DEDD2: variants seen among roughly 807,000 people sequenced by gnomAD.
DEDD2 encodes death effector domain containing 2, also known as DNA-binding death effector domain-containing protein 2.
DEDD2 carries 18 observed loss-of-function variants against 28.9 expected under a neutral mutation model. The observed-to-expected ratio is 0.62, with a 90% CI of 0.43 to 0.92. The LOEUF (loss-of-function observed/expected upper bound fraction) is 0.92. DEDD2 is among the 40% of genes least tolerant of loss of function. DEDD2 has a pLI of 0.00. For synonymous variants in DEDD2, 211 were observed against 206.1 expected (o/e 1.02, Z -0.20); for missense variants, 411 against 463.3 (o/e 0.89, Z 1.04).
At chr19:42,210,694 C>A (rs112764030) in intron 3 of DEDD2, among the ~76,000 whole-genome samples, 7 of 152,118 alleles carry the variant, frequency 4.6e-5, no homozygotes, top group African/African-American at 1.2e-4. Context: ...CAAGCCCAGC[C>A]CCACACTTTA....
chr19:42,208,922 G>A (rs969602389), intron 4 of DEDD2, among the ~76,000 whole-genome samples: 1 of 152,232 alleles, frequency 6.6e-6, no homozygotes, highest in African/African-American at 2.4e-5. Flanking sequence ...GTGATTATCA[G>A]CCTCACTTTA....
At chr19:42,209,881 C>T in intron 3 of DEDD2, 41 bp from the exon 4 acceptor site, 1 of 1,489,288 alleles carries the variant, frequency 6.7e-7, no homozygotes, top group East Asian at 2.6e-5. Flanking sequence ...ACCAGGATGA[C>T]AGCTAGAGTG....
chr19:42,217,104 C>A, intron 1 of DEDD2, 59 bp from the exon 2 acceptor site: 1 of 1,298,160 alleles, frequency 7.7e-7, no homozygotes, highest in Middle Eastern at 2.2e-4. Context: ...CCGAACCCCA[C>A]ACCGCCAGCG....
At chr19:42,207,762 A>G (rs896695228) in intron 4 of DEDD2, among the ~76,000 whole-genome samples, 2 of 152,070 alleles carry the variant, frequency 1.3e-5, no homozygotes, top group Admixed American at 1.3e-4. Flanking sequence ...AAACCCTTCC[A>G]TGGCTCCCTC....
intron 3 of DEDD2, among the ~76,000 whole-genome samples, chr19:42,210,626 T>G (rs2035719431): frequency 6.6e-6 from 1 of 152,024 alleles, no homozygotes; most frequent in South Asian, 2.1e-4. Flanking sequence ...ACTCCTGACC[T>G]CAAGTGATCC....
Position 42,215,206 on chromosome 19 carries a change from CCT to C in DEDD2, c.373_374del (p.Arg125AspfsTer4). On this transcript the variant is annotated frameshift_variant, in exon 3 of 5. Transcript: ENST00000596251. LOFTEE classifies it high-confidence loss of function. ...YSYGTSSSSK[R>X]TEGSCRRRRQ... Reference sequence around the variant, plus strand: ...GACGGCGACGGCAGCTACCCTCTGTCCTCTTTGAAGAGCTGGAGGTGCCATAG... The same window carrying C: ...GACGGCGACGGCAGCTACCCTCTGTCCTTTGAAGAGCTGGAGGTGCCATAG... The C allele has an allele frequency of 6.2e-7, 1 of 1,613,606 alleles. No homozygotes were observed. Among genetic ancestry groups the C allele is most frequent in the Non-Finnish European group, 8.5e-7 (1 of 1,179,810 alleles).
Position 42,208,357 on chromosome 19 carries a change from C to T in DEDD2, c.589+1343G>A, listed in dbSNP as rs556690321. Among the ~76,000 whole-genome samples the T allele has an allele frequency of 4.0e-5, 6 of 151,744 alleles. No individual in the cohort carries two copies. In the South Asian group the frequency reaches 8.4e-4, roughly 21 times the overall value. On this transcript the variant is annotated intron_variant, in intron 4 of 4. Transcript: ENST00000596251. ...TCACTTCTCCTCACCCTCTCCAACA[C>T]GACCCCCAGGCCAGACCTCTGCCTA...
chr19:42,214,386 T>G (rs570007670), intron 3 of DEDD2, among the ~76,000 whole-genome samples: 9 of 151,342 alleles, frequency 5.9e-5, no homozygotes, highest in African/African-American at 2.2e-4. Context: ...TGAATCTGGG[T>G]GGCAGAGGTT....
chr19:42,213,867 A>G (rs2035860504), intron 3 of DEDD2, among the ~76,000 whole-genome samples: 1 of 152,240 alleles, frequency 6.6e-6, no homozygotes, highest in South Asian at 2.1e-4. Context: ...ACGGTCCCAC[A>G]GTCTGGGGAT....
upstream of DEDD2, among the ~76,000 whole-genome samples, chr19:42,219,172 C>T (rs1438090225): frequency 6.6e-6 from 1 of 151,758 alleles, no homozygotes; most frequent in African/African-American, 2.4e-5. Context: ...GGCGTGCTGA[C>T]GCATGCCTGT....
At position 42,217,032 on chromosome 19, in the gene DEDD2, G is replaced by A. The variant is rs1348035613; in HGVS notation, c.-25C>T. On this transcript the variant is annotated 5_prime_UTR_variant, in exon 2 of 5. Coordinates refer to ENST00000596251, the MANE Select transcript of DEDD2 (RefSeq NM_133328.4). ...TTCCCGGGGGAGGGAGGCGGAACAAGCTCAGAACCCGGCCTAGAACCCACA... is the reference window on the plus strand; with the variant it reads ...TTCCCGGGGGAGGGAGGCGGAACAAACTCAGAACCCGGCCTAGAACCCACA... 4 of 1,558,746 alleles carry A rather than the reference G, an allele frequency of 2.6e-6. No homozygotes were observed. The highest frequency in any genetic ancestry group is 2.7e-5 in the African/African-American group (2 of 73,344).
Position 42,199,297 on chromosome 19 carries a change from T to TGTCAAGGGGCC in DEDD2, c.*130_*140dup. 8.0e-7 allele frequency: 1 copy of TGTCAAGGGGCC among 1,251,418 alleles called. No homozygotes were observed. Among genetic ancestry groups the TGTCAAGGGGCC allele is most frequent in the Non-Finnish European group, 1.1e-6 (1 of 934,088 alleles). The allele number at this position is 1,251,418 out of a possible 1,614,324, so 77.5% of individuals were successfully genotyped here. A position where few individuals can be genotyped will look rare whatever the true frequency, so the allele number is the denominator to read the frequency against. On this transcript the variant is annotated 3_prime_UTR_variant, in exon 5 of 5. Coordinates refer to ENST00000596251, the MANE Select transcript of DEDD2 (RefSeq NM_133328.4). The surrounding 1 kb of genome is among the most constrained non-coding windows in gnomAD (Gnocchi z 7.4). ...AGAGCCCACATCCTGTGGGAGGGGC[T>TGTCAAGGGGCC]GTCAAGGGGCCTGCTGTCCCGGTCC...
chr19:42,206,177 T>A (rs923061293), intron 4 of DEDD2, among the ~76,000 whole-genome samples: 3 of 146,582 alleles, frequency 2.0e-5, no homozygotes, highest in African/African-American at 5.0e-5. Context: ...AAAAAAAAAA[T>A]GCAAAGCCCA....
chr19:42,210,913 T>C (rs1247542778), intron 3 of DEDD2, among the ~76,000 whole-genome samples: 1 of 151,122 alleles, frequency 6.6e-6, no homozygotes, highest in Non-Finnish European at 1.5e-5. Flanking sequence ...CTACTAAAAA[T>C]ACAAAAATCA....
intron 3 of DEDD2, among the ~76,000 whole-genome samples, chr19:42,212,806 C>T (rs2035822510): frequency 6.6e-6 from 1 of 152,080 alleles, no homozygotes. Flanking sequence ...ACTATATTGC[C>T]CAGGCTGATC....
In DEDD2 at chr19:42,215,268, A is replaced by G; in HGVS notation, c.329-16T>C. 6.2e-7 allele frequency: 1 copy of G among 1,613,342 alleles called. No homozygotes were observed. The highest frequency in any genetic ancestry group is 8.5e-7 in the Non-Finnish European group (1 of 1,179,432). On this transcript the variant is annotated splice_polypyrimidine_tract_variant and intron_variant, in intron 2 of 4. Coordinates refer to ENST00000596251, the MANE Select transcript of DEDD2 (RefSeq NM_133328.4). ...TCTGGAGACACTGGAGGAAGAGAAGAACAGGAAGAAGCATTCAGCCTCCTG... is the reference window on the plus strand; with the variant it reads ...TCTGGAGACACTGGAGGAAGAGAAGGACAGGAAGAAGCATTCAGCCTCCTG...
chr19:42,215,078 A>AC (rs2035911546), intron 3 of DEDD2, 55 bp downstream of exon 3: 1 of 1,606,324 alleles, frequency 6.2e-7, no homozygotes, highest in Non-Finnish European at 8.5e-7. Context: ...CTTGATGGGC[A>AC]CAATTCATAA....
intron 4 of DEDD2, among the ~76,000 whole-genome samples, chr19:42,208,365 A>G (rs1343953249): frequency 6.9e-6 from 1 of 144,504 alleles, no homozygotes; most frequent in Non-Finnish European, 1.5e-5. Context: ...CACGACCCCC[A>G]GGCCAGACCT....
At chr19:42,215,316 G>A in intron 2 of DEDD2, 64 bp from the exon 3 acceptor site, 15 of 1,595,760 alleles carry the variant, frequency 9.4e-6, no homozygotes, top group Non-Finnish European at 1.2e-5. Flanking sequence ...ACCCCTGGAA[G>A]AATGCCTGCA....
Sources: allele counts gnomAD v4.1 joint callset (sites outside exome capture counted in the v4.1 genomes callset), GRCh38; gene constraint gnomAD v4.1.1; non-coding constraint Gnocchi (gnomAD v3.1); transcripts MANE v1.5; gene names NCBI Gene and HGNC (gene_info 2026-07-23, HGNC 2026-07-21).